WWOX: variants seen among roughly 807,000 people sequenced by gnomAD.
The protein encoded by WWOX is WW domain containing oxidoreductase.
In WWOX, 69 loss-of-function variants were observed where a neutral mutation model predicts 46.2. The ratio of observed to expected loss-of-function variants is 1.49; its 90% CI spans 1.23 to 1.82. The LOEUF (loss-of-function observed/expected upper bound fraction) is 1.82. Ranked by LOEUF, WWOX falls within the 40% of genes most tolerant of loss-of-function variation. The probability of loss-of-function intolerance (pLI) is 0.00; values close to 1 mark genes in which losing one functional copy is unlikely to be tolerated. For missense variants in WWOX, 919 were observed against 542.6 expected (o/e 1.69, Z -6.89); for synonymous variants, 359 against 202.6 (o/e 1.77, Z -6.56).
intron 8 of WWOX, among the ~76,000 whole-genome samples, chr16:79,162,653 T>G (rs2050509829): frequency 6.6e-6 from 1 of 152,198 alleles, no homozygotes; most frequent in South Asian, 2.1e-4. Context: ...TCTTCTGCTT[T>G]CATCCTTATG....
chr16:79,151,512 A>G (rs1303782364), intron 8 of WWOX, among the ~76,000 whole-genome samples: 1 of 152,188 alleles, frequency 6.6e-6, no homozygotes. Flanking sequence ...CTTCTACATG[A>G]TCAGTGTTCA....
intron 8 of WWOX, among the ~76,000 whole-genome samples, chr16:78,851,283 A>G (rs545720545): frequency 5.3e-5 from 8 of 152,202 alleles, no homozygotes; most frequent in African/African-American, 2.4e-5. Context: ...ATAATTTTCA[A>G]CAGGAGCTAT....
At chr16:79,155,729 T>G (rs979730117) in intron 8 of WWOX, among the ~76,000 whole-genome samples, 1 of 152,114 alleles carries the variant, frequency 6.6e-6, no homozygotes, top group Non-Finnish European at 1.5e-5. Context: ...AAGAAGCTCC[T>G]AACAGGCTGA....
intron 5 of WWOX, among the ~76,000 whole-genome samples, chr16:78,244,947 A>T (rs1436366810): frequency 2.6e-5 from 4 of 152,168 alleles, no homozygotes; most frequent in African/African-American, 7.2e-5. Flanking sequence ...CCTCCAATAT[A>T]TATCTACTCT....
chr16:78,178,016 G>T (rs7188006), intron 5 of WWOX, among the ~76,000 whole-genome samples: 3 of 152,184 alleles, frequency 2.0e-5, no homozygotes, highest in Admixed American at 1.3e-4. Flanking sequence ...CTCACTTGTA[G>T]AAACTCCATG....
chr16:79,019,637 C>G (rs1749831762), intron 8 of WWOX, among the ~76,000 whole-genome samples: 1 of 151,836 alleles, frequency 6.6e-6, no homozygotes, highest in Non-Finnish European at 1.5e-5. Flanking sequence ...CAGGAAGCAG[C>G]TGCATGTGCA....
intron 8 of WWOX, among the ~76,000 whole-genome samples, chr16:78,877,443 C>G (rs913557595): frequency 2.6e-5 from 4 of 152,168 alleles, no homozygotes; most frequent in African/African-American, 7.2e-5. Context: ...GCACCATGAG[C>G]TGTTCTTCTC....
At chr16:78,357,343 C>T (rs1487253140) in intron 5 of WWOX, among the ~76,000 whole-genome samples, 1 of 152,152 alleles carries the variant, frequency 6.6e-6, no homozygotes, top group Non-Finnish European at 1.5e-5. Flanking sequence ...CACACAAACA[C>T]ACTCCAGAAT....
At chr16:78,476,988 G>A (rs908531920) in intron 8 of WWOX, among the ~76,000 whole-genome samples, 1 of 150,970 alleles carries the variant, frequency 6.6e-6, no homozygotes, top group Non-Finnish European at 1.5e-5. Flanking sequence ...TTATAAATAC[G>A]ATGGGATTGT....
chr16:79,048,125 A>G (rs957790022), intron 8 of WWOX, among the ~76,000 whole-genome samples: 2 of 152,148 alleles, frequency 1.3e-5, no homozygotes, highest in Non-Finnish European at 2.9e-5. Flanking sequence ...GACACGGAAA[A>G]TCATTTTCTA....
intron 8 of WWOX, among the ~76,000 whole-genome samples, chr16:78,805,572 C>T (rs968126313): frequency 6.6e-5 from 10 of 152,110 alleles, no homozygotes; most frequent in African/African-American, 1.9e-4. Context: ...CGTGAGCTGA[C>T]GCTCCCGGCC....
At chr16:78,440,958 T>A (rs143255186) in intron 8 of WWOX, among the ~76,000 whole-genome samples, 3,017 of 152,180 alleles carry the variant, frequency 0.02, 44 homozygotes, top group African/African-American at 0.042. Context: ...TTTTCTTTTT[T>A]TTGAGATGAA....
chr16:78,859,170 C>T (rs1241941458), intron 8 of WWOX, among the ~76,000 whole-genome samples: 4 of 150,644 alleles, frequency 2.7e-5, no homozygotes, highest in African/African-American at 7.4e-5. Context: ...GAGAACCCTC[C>T]ACCTTTGCAG....
At chr16:78,786,496 G>T (rs2050459629) in intron 8 of WWOX, among the ~76,000 whole-genome samples, 1 of 152,114 alleles carries the variant, frequency 6.6e-6, no homozygotes, top group Admixed American at 6.6e-5. Context: ...GTACTTTTTA[G>T]TATGATTTAT....
chr16:78,672,803 T>C (rs1022510122), intron 8 of WWOX, among the ~76,000 whole-genome samples: 4 of 152,212 alleles, frequency 2.6e-5, no homozygotes, highest in Admixed American at 1.3e-4. Context: ...TTTCCAATGA[T>C]AACAGCCATC....
At chr16:78,415,568 T>G (rs1335006472) in intron 6 of WWOX, among the ~76,000 whole-genome samples, 3 of 152,142 alleles carry the variant, frequency 2.0e-5, no homozygotes, top group African/African-American at 7.2e-5. Context: ...CCTCTGAGAC[T>G]AAGGACAAGA....
chr16:78,168,744 G>A (rs2035056465), intron 5 of WWOX, among the ~76,000 whole-genome samples: 2 of 152,126 alleles, frequency 1.3e-5, no homozygotes, highest in Non-Finnish European at 2.9e-5. Flanking sequence ...TTATATTCAA[G>A]ATATCCTTTA....
chr16:78,604,405 C>A (rs532083882), intron 8 of WWOX, among the ~76,000 whole-genome samples: 3 of 152,010 alleles, frequency 2.0e-5, no homozygotes, highest in African/African-American at 7.2e-5. Flanking sequence ...TTCATGGAGC[C>A]CTTGTACCAA....
intron 8 of WWOX, among the ~76,000 whole-genome samples, chr16:79,148,153 C>T (rs1567582205): frequency 6.6e-6 from 1 of 152,006 alleles, no homozygotes; most frequent in Non-Finnish European, 1.5e-5. Context: ...TTTGGGTAAC[C>T]ATATATCCCA....
Sources: allele counts gnomAD v4.1 joint callset (sites outside exome capture counted in the v4.1 genomes callset), GRCh38; gene constraint gnomAD v4.1.1; transcripts MANE v1.5; gene names NCBI Gene and HGNC (gene_info 2026-07-23, HGNC 2026-07-21).